The following RBPJ variants were observed in gnomAD, a reference collection of about 807,000 sequenced individuals.
RBPJ encodes the protein recombination signal binding protein for immunoglobulin kappa J region.
Under a neutral mutation model 67.8 loss-of-function variants are expected in RBPJ, and 9 were observed. The ratio of observed to expected loss-of-function variants is 0.13; its 90% CI spans 0.08 to 0.23. RBPJ has a LOEUF of 0.23. Among genes scored for constraint, RBPJ ranks in the 10% least tolerant of loss-of-function variants. RBPJ has a pLI of 1.00. For missense variants in RBPJ, 305 were observed against 595.6 expected (o/e 0.51, Z 5.08); for synonymous variants, 198 against 203.3 (o/e 0.97, Z 0.22).
At chr4:26,370,249 CT>C (rs769059163) in intron 1 of RBPJ, among the ~76,000 whole-genome samples, 1 of 152,144 alleles carries the variant, frequency 6.6e-6, no homozygotes, top group Non-Finnish European at 1.5e-5. Context: ...TCCCTTTCAA[CT>C]TGATTTTTGT....
intron 1 of RBPJ, among the ~76,000 whole-genome samples, chr4:26,210,677 TCTTTCTTTC>T (rs1293183910): frequency 0.019 from 829 of 43,404 alleles, 58 homozygotes; most frequent in Middle Eastern, 0.029. Flanking sequence ...TTTCTTTCTT[TCTTTCTTTC>T]CTTTCTTTCT....
intron 1 of RBPJ, among the ~76,000 whole-genome samples, chr4:26,376,942 G>A (rs920975846): frequency 6.6e-6 from 1 of 152,140 alleles, no homozygotes; most frequent in Non-Finnish European, 1.5e-5. Context: ...ATCTTCCTTA[G>A]AGAAATGTCT....
the RBPJ span, among the ~76,000 whole-genome samples, chr4:26,156,142 G>A: frequency 2.0e-5 from 3 of 152,250 alleles, no homozygotes; most frequent in African/African-American, 7.2e-5. Context: ...ACAGAGTATT[G>A]CAAAAATTAG....
intron 1 of RBPJ, among the ~76,000 whole-genome samples, chr4:26,369,888 C>G (rs1260487038): frequency 6.6e-6 from 1 of 152,164 alleles, no homozygotes; most frequent in African/African-American, 2.4e-5. Flanking sequence ...TCTCTCTTCT[C>G]CTCCCATTCC....
chr4:26,225,035 A>G (rs776481419), intron 1 of RBPJ, among the ~76,000 whole-genome samples: 12 of 152,262 alleles, frequency 7.9e-5, no homozygotes, highest in Non-Finnish European at 1.6e-4. Flanking sequence ...CAAAATCCAA[A>G]TGACTGATGG....
Position 26,271,894 on chromosome 4 carries a change from G to C in RBPJ, c.-166-90552G>C, listed in dbSNP as rs906749140. On this transcript the variant is annotated intron_variant, in intron 1 of 4. Coordinates refer to the RBPJ transcript ENST00000512351. ...GCACACGTGTGAGCAACCACATACA[G>C]AGACACGTGCGTGCTTGAACATGTG... Among the ~76,000 whole-genome samples the C allele has an allele frequency of 2.0e-5, 3 of 152,226 alleles. No individual in the cohort carries two copies. In the South Asian group the frequency reaches 6.2e-4, roughly 32 times the overall value.
chr4:26,340,133 T>C (rs1051884790), intron 1 of RBPJ, among the ~76,000 whole-genome samples: 9 of 152,176 alleles, frequency 5.9e-5, no homozygotes, highest in African/African-American at 2.2e-4. Context: ...ATTAACATTA[T>C]GTTAGAAGGT....
intron 1 of RBPJ, among the ~76,000 whole-genome samples, chr4:26,206,041 C>G (rs1250087257): frequency 6.6e-6 from 1 of 151,990 alleles, no homozygotes; most frequent in African/African-American, 2.4e-5. Flanking sequence ...GGCATATAGT[C>G]TTATACCTAA....
intron 1 of RBPJ, among the ~76,000 whole-genome samples, chr4:26,368,324 A>G (rs1231551188): frequency 6.6e-6 from 1 of 152,124 alleles, no homozygotes; most frequent in Non-Finnish European, 1.5e-5. Context: ...GTCTTCTCCC[A>G]GATTATCCAA....
intron 1 of RBPJ, among the ~76,000 whole-genome samples, chr4:26,255,379 G>A (rs1301005137): frequency 1.9e-4 from 22 of 116,014 alleles, no homozygotes; most frequent in African/African-American, 8.9e-4. Context: ...ACTCCAGCCT[G>A]GGCGACAGAG....
At chr4:26,257,579 A>G (rs534452046) in intron 1 of RBPJ, among the ~76,000 whole-genome samples, 8 of 152,360 alleles carry the variant, frequency 5.3e-5, no homozygotes, top group East Asian at 1.9e-4. Context: ...CAGTGAGCCA[A>G]GACTGTGCCA....
At chr4:26,316,441 A>T (rs1577419368), upstream of RBPJ, among the ~76,000 whole-genome samples, 2 of 117,020 alleles carry the variant, frequency 1.7e-5, no homozygotes, top group Non-Finnish European at 3.6e-5. Context: ...ATATACATTC[A>T]TATACATTCA....
chr4:26,128,412 G>A, the RBPJ span, among the ~76,000 whole-genome samples: 1 of 152,112 alleles, frequency 6.6e-6, no homozygotes, highest in South Asian at 2.1e-4. Context: ...AACATTTATT[G>A]AGCACTTTCT....
intron 1 of RBPJ, among the ~76,000 whole-genome samples, chr4:26,247,436 G>A (rs1000564554): frequency 1.3e-5 from 2 of 151,850 alleles, no homozygotes; most frequent in African/African-American, 4.8e-5. Context: ...GGGGGACGGA[G>A]TTTCGCTCTT....
intron 1 of RBPJ, among the ~76,000 whole-genome samples, chr4:26,225,539 T>C (rs1180002261): frequency 6.6e-6 from 1 of 152,140 alleles, no homozygotes; most frequent in Admixed American, 6.5e-5. Flanking sequence ...TGTGACATTA[T>C]GCATTTGTCA....
At chr4:26,360,941 T>C (rs866565591) in intron 1 of RBPJ, among the ~76,000 whole-genome samples, 10 of 150,094 alleles carry the variant, frequency 6.7e-5, no homozygotes, top group Middle Eastern at 3.4e-3. Flanking sequence ...TTACTGAAGA[T>C]AAAAATAGAG....
chr4:26,279,540 C>T (rs969651770), intron 1 of RBPJ, among the ~76,000 whole-genome samples: 1 of 151,978 alleles, frequency 6.6e-6, no homozygotes, highest in African/African-American at 2.4e-5. Context: ...CCTCCCAAAG[C>T]GTTGGGATTA....
At position 26,257,079 on chromosome 4, in the gene RBPJ, C is replaced by T. The variant is rs73114521; in HGVS notation, c.-167+93465C>T. 5.5e-3 allele frequency among the ~76,000 whole-genome samples: 835 copies of T among 152,248 alleles called. 9 individuals carry two copies. Among genetic ancestry groups the T allele is most frequent in the African/African-American group, 0.019 (792 of 41,524 alleles). On this transcript the variant is annotated intron_variant, in intron 1 of 4. Coordinates refer to the RBPJ transcript ENST00000512351. ...TCAGGAATCATAGTATTCATTGTTA[C>T]GTTGTTGTTGTAGTAATTGCTAGTA...
intron 1 of RBPJ, among the ~76,000 whole-genome samples, chr4:26,297,465 C>T (rs567655213): frequency 1.3e-4 from 20 of 151,874 alleles, no homozygotes; most frequent in African/African-American, 4.6e-4. Flanking sequence ...CCAGCAGTGA[C>T]TGAGAATGTC....
Sources: allele counts gnomAD v4.1 joint callset (sites outside exome capture counted in the v4.1 genomes callset), GRCh38; gene constraint gnomAD v4.1.1; transcripts MANE v1.5; gene names NCBI Gene and HGNC (gene_info 2026-07-23, HGNC 2026-07-21).